Variants in CFAP299 observed in about 807,000 individuals in gnomAD.
The protein encoded by CFAP299 is cilia and flagella associated protein 299.
A neutral mutation model predicts 27.0 loss-of-function variants in CFAP299; 21 were observed. The observed-to-expected ratio is 0.78, with a 90% confidence interval of 0.55 to 1.12. CFAP299 has a LOEUF of 1.12. Ranked by LOEUF, CFAP299 falls within the 50% of genes most tolerant of loss-of-function variation. CFAP299 has a pLI of 0.00. For synonymous variants in CFAP299, 104 were observed against 98.1 expected (o/e 1.06, Z -0.36); for missense variants, 310 against 276.6 (o/e 1.12, Z -0.86).
chr4:80,800,633 A>G (rs1260864253), intron 3 of CFAP299, among the ~76,000 whole-genome samples: 1 of 102,406 alleles, frequency 9.8e-6, no homozygotes, highest in Non-Finnish European at 1.8e-5. Flanking sequence ...TATTAATATA[A>G]ATATATAATA....
In CFAP299 at chr4:80,469,411, A is replaced by C. The variant is rs570623979; in HGVS notation, c.242+106527A>C. 3.3e-5 allele frequency among the ~76,000 whole-genome samples: 5 copies of C among 152,334 alleles called. No individual in the cohort carries two copies. In the South Asian group the frequency reaches 1.0e-3, roughly 32 times the overall value. On this transcript the variant is annotated intron_variant, in intron 2 of 5. Coordinates refer to ENST00000358105, the MANE Select transcript of CFAP299 (RefSeq NM_152770.3). ...TTTATGTGACCCTGGGCAAGCTACT[A>C]AATTTTCATATTTGTCTTAAGTTTT...
intron 2 of CFAP299, among the ~76,000 whole-genome samples, chr4:80,535,059 C>T (rs957090009): frequency 2.0e-5 from 3 of 152,036 alleles, no homozygotes; most frequent in African/African-American, 7.2e-5. Flanking sequence ...AGAGGAGAGA[C>T]TCGGAGTTTA....
chr4:80,548,105 G>A (rs1734330339), intron 2 of CFAP299, among the ~76,000 whole-genome samples: 1 of 152,168 alleles, frequency 6.6e-6, no homozygotes, highest in Non-Finnish European at 1.5e-5. Flanking sequence ...GCTCACAATA[G>A]CAAAGACATG....
intron 3 of CFAP299, among the ~76,000 whole-genome samples, chr4:80,801,617 T>TTAC (rs1553893763): frequency 6.6e-6 from 1 of 151,768 alleles, no homozygotes; most frequent in African/African-American, 2.4e-5. Flanking sequence ...TGACTGTTGG[T>TTAC]TAGAAGAAAT....
intron 3 of CFAP299, among the ~76,000 whole-genome samples, chr4:80,689,110 A>AACACTCT (rs1720454180): frequency 2.6e-5 from 4 of 152,206 alleles, no homozygotes; most frequent in African/African-American, 9.7e-5. Flanking sequence ...CAAGTTGGAA[A>AACACTCT]GCACTCTGCA....
chr4:80,454,744 A>G (rs562721585), intron 2 of CFAP299, among the ~76,000 whole-genome samples: 11 of 152,296 alleles, frequency 7.2e-5, no homozygotes, highest in Non-Finnish European at 1.5e-4. Flanking sequence ...GGGGAATTGA[A>G]AGAGAGAAAG....
At chr4:80,648,966 A>G (rs1208908235) in intron 3 of CFAP299, 1 of 152,192 alleles carries the variant, frequency 6.6e-6, no homozygotes, top group African/African-American at 2.4e-5. Flanking sequence ...CATCAAATTG[A>G]CACCAAGGAG....
intron 2 of CFAP299, among the ~76,000 whole-genome samples, chr4:80,568,044 T>C (rs1735397129): frequency 6.6e-6 from 1 of 151,726 alleles, no homozygotes; most frequent in Non-Finnish European, 1.5e-5. Flanking sequence ...TTCAAAAATT[T>C]TGAGGAAAAG....
chr4:80,413,514 G>C (rs1726837404), intron 2 of CFAP299, among the ~76,000 whole-genome samples: 1 of 152,082 alleles, frequency 6.6e-6, no homozygotes, highest in Non-Finnish European at 1.5e-5. Context: ...TACTCTACTT[G>C]AGTAAAAACA....
At chr4:80,453,888 A>G (rs1335876113) in intron 2 of CFAP299, among the ~76,000 whole-genome samples, 1 of 145,020 alleles carries the variant, frequency 6.9e-6, no homozygotes, top group East Asian at 2.0e-4. Flanking sequence ...AATAATAATA[A>G]TCTTGCAAGC....
At chr4:80,512,828 T>C (rs1053233385) in intron 2 of CFAP299, among the ~76,000 whole-genome samples, 5 of 152,116 alleles carry the variant, frequency 3.3e-5, no homozygotes, top group African/African-American at 2.4e-5. Flanking sequence ...TAGTCCCATA[T>C]TTGGCATTTT....
intron 4 of CFAP299, chr4:80,871,960 C>CTTTTTTTTTTT (rs34601134): frequency 7.1e-6 from 1 of 140,784 alleles, no homozygotes. Flanking sequence ...CTCTTGCATG[C>CTTTTTTTTTTT]TTTTTTTTTT....
the CFAP299 span, among the ~76,000 whole-genome samples, chr4:80,326,512 G>A: frequency 1.3e-5 from 2 of 152,208 alleles, no homozygotes; most frequent in South Asian, 4.1e-4. Context: ...GTGGTGTGAT[G>A]CTGGGAGAGT....
At chr4:80,694,224 A>T (rs892851950) in intron 3 of CFAP299, among the ~76,000 whole-genome samples, 1 of 152,170 alleles carries the variant, frequency 6.6e-6, no homozygotes, top group African/African-American at 2.4e-5. Context: ...AATAAATAGT[A>T]CCCTGCATTT....
chr4:80,472,127 G>C (rs1186098793), intron 2 of CFAP299, among the ~76,000 whole-genome samples: 1 of 152,188 alleles, frequency 6.6e-6, no homozygotes, highest in Non-Finnish European at 1.5e-5. Context: ...TTTTAGAAAG[G>C]GGGCAGGAGA....
chr4:80,609,651 G>A (rs1371823745), intron 3 of CFAP299, among the ~76,000 whole-genome samples: 2 of 151,560 alleles, frequency 1.3e-5, no homozygotes, highest in Admixed American at 6.6e-5. Flanking sequence ...TTTTTTCATG[G>A]CACAATTAAT....
intron 2 of CFAP299, chr4:80,387,541 G>T (rs1409753167): frequency 7.8e-6 from 7 of 898,052 alleles, no homozygotes; most frequent in Admixed American, 7.2e-5. Context: ...GCCCAACCCT[G>T]TGTTTTCCTC....
intron 2 of CFAP299, among the ~76,000 whole-genome samples, chr4:80,493,949 G>T (rs56020443): frequency 5.3e-5 from 8 of 151,192 alleles, no homozygotes; most frequent in Non-Finnish European, 7.4e-5. Context: ...CTAATTTTTT[G>T]TATTTTTAGT....
intron 2 of CFAP299, among the ~76,000 whole-genome samples, chr4:80,399,142 T>C (rs1043460553): frequency 1.3e-5 from 2 of 152,166 alleles, no homozygotes; most frequent in Non-Finnish European, 2.9e-5. Context: ...CACAATGAGA[T>C]ACCATCTTAC....
Sources: allele counts gnomAD v4.1 joint callset (sites outside exome capture counted in the v4.1 genomes callset), GRCh38; gene constraint gnomAD v4.1.1; transcripts MANE v1.5; gene names NCBI Gene and HGNC (gene_info 2026-07-23, HGNC 2026-07-21).